SDK1: variants seen among roughly 807,000 people sequenced by gnomAD.
SDK1 encodes the protein sidekick cell adhesion molecule 1, also known as protein sidekick-1.
In SDK1, 157 loss-of-function variants were observed where a neutral mutation model predicts 245.5. The observed-to-expected ratio is 0.64, with a 90% CI of 0.56 to 0.73. The LOEUF is 0.73. Among genes scored for constraint, SDK1 ranks in the 30% least tolerant of loss-of-function variants. The pLI, the probability that SDK1 is intolerant of heterozygous loss-of-function variation, is 0.00. For missense variants in SDK1, 3,583 were observed against 3,002.3 expected, an observed-to-expected ratio of 1.19 and a Z score of -4.52; for synonymous variants, 1,647 against 1,278.5, an observed-to-expected ratio of 1.29 and a Z score of -6.15.
chr7:4,197,785 G>A (rs924873862), intron 35 of SDK1, among the ~76,000 whole-genome samples: 11 of 152,196 alleles, frequency 7.2e-5, no homozygotes, highest in Non-Finnish European at 1.5e-4. Context: ...TGGCGCAGGC[G>A]CTCCTGACCT....
chr7:3,818,737 C>T (rs554369057), intron 4 of SDK1, among the ~76,000 whole-genome samples: 2 of 152,310 alleles, frequency 1.3e-5, no homozygotes, highest in South Asian at 4.1e-4. Context: ...TTCATTGGCT[C>T]TATGAGATAA....
At chr7:3,685,863 A>G (rs1344768228) in intron 4 of SDK1, among the ~76,000 whole-genome samples, 1 of 152,118 alleles carries the variant, frequency 6.6e-6, no homozygotes, top group East Asian at 1.9e-4. Context: ...TAATAAGAAT[A>G]TAGGAAAATA....
chr7:3,326,042 T>C (rs983179531), intron 1 of SDK1, among the ~76,000 whole-genome samples: 2 of 152,174 alleles, frequency 1.3e-5, no homozygotes, highest in African/African-American at 4.8e-5. Context: ...TGTGTGTATA[T>C]ATAGTGAAGC....
intron 1 of SDK1, among the ~76,000 whole-genome samples, chr7:3,545,531 C>T (rs961964873): frequency 1.3e-5 from 2 of 152,136 alleles, no homozygotes; most frequent in South Asian, 4.1e-4. Flanking sequence ...TTTTCTTTTC[C>T]TACTGAAATG....
At chr7:4,008,353 A>G (rs1332801589) in intron 14 of SDK1, among the ~76,000 whole-genome samples, 2 of 152,234 alleles carry the variant, frequency 1.3e-5, no homozygotes, top group Non-Finnish European at 2.9e-5. Context: ...CACACGAACA[A>G]AAGATTCTTA....
intron 1 of SDK1, among the ~76,000 whole-genome samples, chr7:3,470,363 G>A (rs1246397460): frequency 3.3e-5 from 5 of 152,090 alleles, no homozygotes; most frequent in Admixed American, 6.6e-5. Flanking sequence ...CCCTGAAAAC[G>A]TGTACAACTA....
At chr7:3,804,566 A>T (rs1467399330) in intron 4 of SDK1, among the ~76,000 whole-genome samples, 1 of 152,002 alleles carries the variant, frequency 6.6e-6, no homozygotes, top group Non-Finnish European at 1.5e-5. Context: ...CTGCCTTTAC[A>T]TATTATTTTT....
intron 5 of SDK1, among the ~76,000 whole-genome samples, chr7:3,917,046 C>G (rs12701279): frequency 0.26 from 39,863 of 152,142 alleles, 5,573 homozygotes; most frequent in Middle Eastern, 0.36. Flanking sequence ...TAAAAACACT[C>G]CCATCATCCC....
chr7:3,951,074 C>T, intron 6 of SDK1, 40 bp downstream of exon 6: 8 of 1,415,726 alleles, frequency 5.7e-6, no homozygotes, highest in Non-Finnish European at 8.0e-6. Flanking sequence ...AGTAAATATT[C>T]CATGACCTGT....
At chr7:3,607,623 GCTTT>G (rs1303320957) in intron 1 of SDK1, among the ~76,000 whole-genome samples, 10 of 152,286 alleles carry the variant, frequency 6.6e-5, no homozygotes, top group African/African-American at 2.2e-4. Flanking sequence ...AAGTATGAAT[GCTTT>G]CTTTTCTTTA....
intron 5 of SDK1, among the ~76,000 whole-genome samples, chr7:3,856,317 G>A (rs539008943): frequency 6.6e-6 from 1 of 151,874 alleles, no homozygotes; most frequent in Non-Finnish European, 1.5e-5. Flanking sequence ...GAAAATATAT[G>A]AAAAGAGGGT....
In SDK1 at chr7:3,958,947, T is replaced by G. The variant is rs1781466632; in HGVS notation, c.1167T>G (p.Thr389=). The G allele has an allele frequency of 6.2e-7, 1 of 1,613,926 alleles. No individual in the cohort carries two copies. The highest frequency in any genetic ancestry group is 1.1e-5 in the South Asian group (1 of 91,080). Residue 389 remains threonine, a synonymous_variant, in exon 8 of 45, where the codon ACT becomes ACG. Coordinates refer to ENST00000404826, the MANE Select transcript of SDK1 (RefSeq NM_152744.4). ...FLFIIEPPYF[T]AEPESRISAE... Reference sequence around the variant, plus strand: ...TGTTTGAAGAGCCACCATATTTTACTGCTGAGCCCGAGAGTCGGATTTCAG... The same window carrying G: ...TGTTTGAAGAGCCACCATATTTTACGGCTGAGCCCGAGAGTCGGATTTCAG...
intron 1 of SDK1, among the ~76,000 whole-genome samples, chr7:3,473,424 T>C (rs896954763): frequency 1.3e-5 from 2 of 152,246 alleles, no homozygotes; most frequent in Admixed American, 1.3e-4. Flanking sequence ...CAATAATCCT[T>C]GTAGATGTGT....
At chr7:4,226,291 G>A (rs1401111716) in intron 40 of SDK1, among the ~76,000 whole-genome samples, 2 of 152,218 alleles carry the variant, frequency 1.3e-5, no homozygotes, top group Non-Finnish European at 2.9e-5. Context: ...GTGCCAGGCA[G>A]CCCCTCTGGC....
At chr7:3,314,965 T>C (rs1014379685) in intron 1 of SDK1, among the ~76,000 whole-genome samples, 13 of 152,070 alleles carry the variant, frequency 8.5e-5, no homozygotes, top group African/African-American at 1.7e-4. Context: ...TGAGGAAACA[T>C]TGGGAGTCCT....
intron 4 of SDK1, among the ~76,000 whole-genome samples, chr7:3,819,599 A>G (rs902388740): frequency 6.6e-6 from 1 of 152,092 alleles, no homozygotes; most frequent in African/African-American, 2.4e-5. Context: ...AAATGGAACA[A>G]TTTCTATGGT....
At chr7:3,898,727 G>A (rs115767116) in intron 5 of SDK1, among the ~76,000 whole-genome samples, 2,233 of 152,102 alleles carry the variant, frequency 0.015, 56 homozygotes, top group African/African-American at 0.051. Flanking sequence ...ATTATGTCAC[G>A]CCCCTTGTGT....
intron 4 of SDK1, among the ~76,000 whole-genome samples, chr7:3,730,633 A>G (rs923730700): frequency 1.3e-5 from 2 of 152,170 alleles, no homozygotes; most frequent in African/African-American, 4.8e-5. Flanking sequence ...GAAGGAAGCC[A>G]GTGGTGTGTG....
intron 1 of SDK1, among the ~76,000 whole-genome samples, chr7:3,380,718 G>T (rs932920140): frequency 1.3e-5 from 2 of 152,168 alleles, no homozygotes; most frequent in African/African-American, 4.8e-5. Flanking sequence ...GTAGAGTACG[G>T]CTTTTGACCT....
Sources: allele counts gnomAD v4.1 joint callset (sites outside exome capture counted in the v4.1 genomes callset), GRCh38; gene constraint gnomAD v4.1.1; transcripts MANE v1.5; gene names NCBI Gene and HGNC (gene_info 2026-07-23, HGNC 2026-07-21).